PIR: variants seen among roughly 807,000 people sequenced by gnomAD.
The protein encoded by PIR is pirin (iron-binding nuclear protein).
A neutral mutation model predicts 24.2 loss-of-function variants in PIR; 22 were observed. The observed-to-expected ratio is 0.91, with a 90% confidence interval of 0.65 to 1.30. The LOEUF is 1.30. PIR is among the 50% of genes most tolerant of loss of function. The pLI is 0.00. For synonymous variants in PIR, 80 were observed against 79.6 expected (o/e 1.00, Z -0.03); for missense variants, 220 against 220.3 (o/e 1.00, Z 0.01).
intron 2 of PIR, among the ~76,000 whole-genome samples, chrX:15,490,866 T>C (rs1390361574): frequency 2.7e-5 from 3 of 112,178 alleles, no homozygotes; most frequent in Non-Finnish European, 3.8e-5. Flanking sequence ...TTTGGCGATA[T>C]GCATGCTGAG....
At position 15,455,935 on chromosome X, in the gene PIR, G is replaced by C. The variant is rs763314706; in HGVS notation, c.393C>G (p.Tyr131Ter). Residue 131 changes from tyrosine (Y) to a stop codon, truncating the protein, a stop_gained, in exon 5 of 10, where the codon TAC becomes TAG. Coordinates refer to ENST00000380420, the MANE Select transcript of PIR (RefSeq NM_001018109.3). LOFTEE classifies it high-confidence loss of function. ...RSSEKMVEPQ[Y>*]QELKSEEIPK... ...GGATTTCTTCACTTTTCAGTTCCTGGTACTGAGGCTCCACCATCTTCTCTG... is the reference window on the plus strand; with the variant it reads ...GGATTTCTTCACTTTTCAGTTCCTGCTACTGAGGCTCCACCATCTTCTCTG... 1 of 1,206,987 alleles carries C rather than the reference G, an allele frequency of 8.3e-7. No individual in the cohort carries two copies. Among genetic ancestry groups the C allele is most frequent in the South Asian group, 1.8e-5 (1 of 56,751 alleles).
chrX:15,411,293 A>T (rs1275476456), intron 6 of PIR, among the ~76,000 whole-genome samples: 1 of 111,455 alleles, frequency 9.0e-6, no homozygotes, highest in East Asian at 2.8e-4. Flanking sequence ...TCCTTTAGCC[A>T]AACATTAAAA....
chrX:15,491,123 C>G (rs764960586), intron 2 of PIR, 39 bp downstream of exon 2: 6 of 951,714 alleles, frequency 6.3e-6, no homozygotes, highest in Non-Finnish European at 9.0e-6. Context: ...CCAGTCCCTT[C>G]TGAAAAGAAA....
chrX:15,393,581 G>T (rs775197022), intron 8 of PIR, among the ~76,000 whole-genome samples: 3 of 110,468 alleles, frequency 2.7e-5, no homozygotes, highest in Non-Finnish European at 3.8e-5. Context: ...CCCACTGCTC[G>T]AATTACCACC....
intron 6 of PIR, among the ~76,000 whole-genome samples, chrX:15,425,233 C>G (rs1925266509): frequency 9.2e-6 from 1 of 109,257 alleles, no homozygotes; most frequent in African/African-American, 3.3e-5. Flanking sequence ...TCAATAGGAG[C>G]TGGAAAGTCA....
intron 3 of PIR, among the ~76,000 whole-genome samples, chrX:15,466,014 T>G (rs1158747249): frequency 2.0e-5 from 2 of 98,550 alleles, no homozygotes; most frequent in African/African-American, 7.6e-5. Flanking sequence ...CTGTTTTTTT[T>G]TTTTTTTTTT....
At chrX:15,404,248 G>A (rs1018809778) in intron 7 of PIR, among the ~76,000 whole-genome samples, 9 of 111,860 alleles carry the variant, frequency 8.0e-5, no homozygotes, top group African/African-American at 2.9e-4. Flanking sequence ...TGATCTGCCT[G>A]CCTCAGCCTC....
chrX:15,473,385 A>G (rs917066176), intron 3 of PIR, among the ~76,000 whole-genome samples: 5 of 111,847 alleles, frequency 4.5e-5, no homozygotes, highest in Non-Finnish European at 5.6e-5. Context: ...GGTTAAAAAA[A>G]ACAATCTAAA....
rs111531464 is a variant in PIR at position 15,406,945 on chromosome X, C to A, written c.610+561G>T. On this transcript the variant is annotated intron_variant, in intron 7 of 9. Coordinates refer to ENST00000380420, the MANE Select transcript of PIR (RefSeq NM_001018109.3). The stretch of plus-strand genomic sequence containing the variant: ...GATTCTGGTCCCACATCCACCAATG[C>A]GTAACCCTGGTAAGTTAAACAACTT... 6.5e-3 allele frequency among the ~76,000 whole-genome samples: 732 copies of A among 112,354 alleles called. 6 individuals carry two copies. Among genetic ancestry groups the A allele is most frequent in the African/African-American group, 0.022 (675 of 30,976 alleles).
At chrX:15,429,266 C>T (rs1007379504) in intron 5 of PIR, 7 of 112,109 alleles carry the variant, frequency 6.2e-5, no homozygotes, top group African/African-American at 2.3e-4. Context: ...TCACACAGAA[C>T]GTTCTATATT....
chrX:15,431,553 T>C (rs1251411175), intron 5 of PIR, among the ~76,000 whole-genome samples: 5 of 111,271 alleles, frequency 4.5e-5, no homozygotes, highest in Non-Finnish European at 9.4e-5. Flanking sequence ...CAGTCTCCTA[T>C]TGTTAGAAAG....
At chrX:15,402,690 C>T (rs1040794027) in intron 7 of PIR, among the ~76,000 whole-genome samples, 2 of 109,964 alleles carry the variant, frequency 1.8e-5, no homozygotes, top group Non-Finnish European at 3.8e-5. Flanking sequence ...CATTCCCAGC[C>T]TCATGAACTC....
intron 5 of PIR, among the ~76,000 whole-genome samples, chrX:15,428,386 G>A (rs1925393024): frequency 9.0e-6 from 1 of 111,569 alleles, no homozygotes; most frequent in Non-Finnish European, 1.9e-5. Flanking sequence ...ATATAATATC[G>A]AATGACTCCT....
chrX:15,419,524 G>A (rs779441094), intron 6 of PIR, among the ~76,000 whole-genome samples: 3 of 111,329 alleles, frequency 2.7e-5, no homozygotes, highest in Admixed American at 9.6e-5. Flanking sequence ...GGTTCATAAC[G>A]CACTTGTTTA....
At chrX:15,440,791 A>T (rs994235697) in intron 5 of PIR, among the ~76,000 whole-genome samples, 3 of 111,299 alleles carry the variant, frequency 2.7e-5, no homozygotes, top group Non-Finnish European at 3.8e-5. Flanking sequence ...TGGTGCCTGG[A>T]GTTACCACCA....
chrX:15,479,652 T>C (rs1468821069), intron 3 of PIR, 77 bp downstream of exon 3: 1 of 477,388 alleles, frequency 2.1e-6, no homozygotes, highest in African/African-American at 2.4e-5. Context: ...TTTATTGCTT[T>C]TAAAATTGAA....
chrX:15,466,442 C>T (rs181105410), intron 3 of PIR, among the ~76,000 whole-genome samples: 16 of 112,082 alleles, frequency 1.4e-4, no homozygotes, highest in African/African-American at 5.2e-4. Flanking sequence ...TCAGAGACTC[C>T]CGCCACTCTG....
intron 8 of PIR, among the ~76,000 whole-genome samples, chrX:15,391,582 A>G (rs1033172782): frequency 2.5e-4 from 28 of 111,903 alleles, no homozygotes; most frequent in Non-Finnish European, 4.9e-4. Flanking sequence ...ATTTGTTAGA[A>G]ATGGGTGTTT....
At chrX:15,425,536 C>T (rs1925281884) in intron 6 of PIR, among the ~76,000 whole-genome samples, 1 of 109,714 alleles carries the variant, frequency 9.1e-6, no homozygotes, top group East Asian at 2.9e-4. Context: ...CTCAGCCTCC[C>T]AAGTAGCTGG....
Sources: allele counts gnomAD v4.1 joint callset (sites outside exome capture counted in the v4.1 genomes callset), GRCh38; gene constraint gnomAD v4.1.1; transcripts MANE v1.5; gene names NCBI Gene and HGNC (gene_info 2026-07-23, HGNC 2026-07-21).